Variants in COPS4 observed in about 807,000 individuals in gnomAD.
COPS4 encodes COP9 signalosome subunit 4, also known as COP9 signalosome complex subunit 4.
A neutral mutation model predicts 55.1 loss-of-function variants in COPS4; 8 were observed. The ratio of observed to expected loss-of-function variants is 0.15; its 90% CI spans 0.09 to 0.26. The LOEUF is 0.26. Ranked by LOEUF, COPS4 falls within the 10% of genes least tolerant of loss-of-function variation. COPS4 has a pLI of 1.00. For missense variants in COPS4, 248 were observed against 484.0 expected (o/e 0.51, Z 4.58); for synonymous variants, 185 against 165.7 (o/e 1.12, Z -0.90).
intron 1 of COPS4, among the ~76,000 whole-genome samples, chr4:83,045,101 C>T (rs903465464): frequency 6.6e-6 from 1 of 152,182 alleles, no homozygotes; most frequent in Admixed American, 6.5e-5. Flanking sequence ...GACATTCAGT[C>T]TTTAATGTTT....
chr4:83,042,007 G>T (rs1242058276), intron 1 of COPS4, among the ~76,000 whole-genome samples: 1 of 151,648 alleles, frequency 6.6e-6, no homozygotes, highest in Admixed American at 6.6e-5. Context: ...TGAGATTACA[G>T]GCACGTGCCA....
At chr4:83,054,495 A>G (rs1168315978) in intron 4 of COPS4, among the ~76,000 whole-genome samples, 1 of 152,160 alleles carries the variant, frequency 6.6e-6, no homozygotes, top group Non-Finnish European at 1.5e-5. Flanking sequence ...TTTGTGCATT[A>G]TTTATGAAAT....
chr4:83,050,469 G>A (rs1229705180), intron 4 of COPS4, among the ~76,000 whole-genome samples: 2 of 152,022 alleles, frequency 1.3e-5, no homozygotes, highest in Admixed American at 1.3e-4. Flanking sequence ...GGCTATTTTT[G>A]TATTTTTACT....
intron 7 of COPS4, among the ~76,000 whole-genome samples, chr4:83,064,772 C>T (rs912306845): frequency 2.7e-5 from 4 of 149,232 alleles, no homozygotes; most frequent in Non-Finnish European, 5.9e-5. Context: ...GTTGCCCAGG[C>T]TAGTCTTGAA....
chr4:83,063,322 G>A, intron 7 of COPS4, 76 bp downstream of exon 7: 2 of 967,278 alleles, frequency 2.1e-6, no homozygotes, highest in Non-Finnish European at 3.0e-6. Flanking sequence ...TAAATTAGAA[G>A]TATCTTTTAA....
intron 4 of COPS4, among the ~76,000 whole-genome samples, chr4:83,052,660 TA>T (rs2126130252): frequency 6.6e-6 from 1 of 152,340 alleles, no homozygotes; most frequent in East Asian, 1.9e-4. Flanking sequence ...AACCAAGCTG[TA>T]GTGCAGTGGT....
In COPS4 at chr4:83,075,280, AT is replaced by A. The variant is rs375780102; in HGVS notation, c.1088-9del. The stretch of plus-strand genomic sequence containing the variant: ...CAAAGGAATAATTTTAATTTTGTAC[AT>A]TTTTTTTCCCCTTAGCACGAGAAGC... On this transcript the variant is annotated splice_polypyrimidine_tract_variant and intron_variant, in intron 9 of 9. Coordinates refer to ENST00000264389, the MANE Select transcript of COPS4 (RefSeq NM_016129.3). 4.9e-5 allele frequency: 79 copies of A among 1,608,096 alleles called. No individual in the cohort carries two copies. The East Asian group carries it at 6.9e-4, about 14-fold the overall frequency.
In COPS4 at chr4:83,073,956, CA is replaced by C. The variant is rs34926790; in HGVS notation, c.1088-1328del. On this transcript the variant is annotated intron_variant, in intron 9 of 9. Transcript: ENST00000264389. ...CAGATGACAGAGTGAGACTCCGTCT[CA>C]AAAAAAAAAAAAGATTTTATAGGTT... Among the ~76,000 whole-genome samples the C allele has an allele frequency of 6.4e-4, 93 of 144,448 alleles. 1 individual carries two copies. Among genetic ancestry groups the C allele is most frequent in the Middle Eastern group, 3.5e-3 (1 of 284 alleles). The allele number at this position is 144,448 out of a possible 152,430, so 94.8% of individuals were successfully genotyped here.
At chr4:83,043,383 G>A (rs1187845995) in intron 1 of COPS4, among the ~76,000 whole-genome samples, 8 of 151,778 alleles carry the variant, frequency 5.3e-5, no homozygotes, top group African/African-American at 1.7e-4. Flanking sequence ...ACCAGGGGTC[G>A]TGGCACATGC....
chr4:83,060,632 T>C (rs184096875), intron 6 of COPS4, among the ~76,000 whole-genome samples: 254 of 152,044 alleles, frequency 1.7e-3, no homozygotes, highest in African/African-American at 6.0e-3. Flanking sequence ...TCTTACAGAT[T>C]AGTTGCAATG....
At chr4:83,070,404 T>C (rs1160444344) in intron 9 of COPS4, among the ~76,000 whole-genome samples, 1 of 152,240 alleles carries the variant, frequency 6.6e-6, no homozygotes, top group Non-Finnish European at 1.5e-5. Flanking sequence ...GATTGCTTCA[T>C]GGGCATCTTA....
intron 1 of COPS4, among the ~76,000 whole-genome samples, chr4:83,040,723 CAT>C (rs1491150282): frequency 6.4e-5 from 9 of 140,654 alleles, no homozygotes; most frequent in African/African-American, 2.6e-4. Flanking sequence ...TATGCAATTA[CAT>C]TTTTTTTTTC....
intron 9 of COPS4, among the ~76,000 whole-genome samples, chr4:83,074,624 G>T (rs375467024): frequency 6.6e-6 from 1 of 150,396 alleles, no homozygotes; most frequent in African/African-American, 2.4e-5. Context: ...CACCACGCCC[G>T]GCTAATTTTT....
Position 83,035,193 on chromosome 4 carries a change from GCC to G in COPS4, c.-28_-27del, listed in dbSNP as rs775222769. 2.0e-6 allele frequency: 3 copies of G among 1,527,770 alleles called. No individual in the cohort carries two copies. The Admixed American group carries it at 5.3e-5, about 27-fold the overall frequency. 94.6% of individuals were successfully genotyped at this position (1,527,770 alleles called of 1,614,324 possible). On this transcript the variant is annotated 5_prime_UTR_variant, in exon 1 of 10. Coordinates refer to ENST00000264389, the MANE Select transcript of COPS4 (RefSeq NM_016129.3). ...CTCGTTTTCTTTTTGGCTGCCAGAG[GCC>G]CCCGCATCCACCGCTGAGCTGGGAG...
At chr4:83,050,747 T>A (rs1730869524) in intron 4 of COPS4, among the ~76,000 whole-genome samples, 2 of 152,002 alleles carry the variant, frequency 1.3e-5, no homozygotes, top group South Asian at 4.2e-4. Flanking sequence ...GGGCAAGAGA[T>A]CAGGGATGAG....
chr4:83,072,096 T>C (rs1357794641), intron 9 of COPS4, among the ~76,000 whole-genome samples: 1 of 152,084 alleles, frequency 6.6e-6, no homozygotes, highest in Admixed American at 6.5e-5. Context: ...CTTTTTCTTT[T>C]TGAGATGGAG....
At chr4:83,065,903 G>A (rs1323204303) in intron 7 of COPS4, among the ~76,000 whole-genome samples, 1 of 152,186 alleles carries the variant, frequency 6.6e-6, no homozygotes, top group Non-Finnish European at 1.5e-5. Flanking sequence ...GCCTGTAATC[G>A]CAGCACATTG....
At chr4:83,058,074 G>GT (rs70943197) in intron 6 of COPS4, among the ~76,000 whole-genome samples, 26,708 of 146,242 alleles carry the variant, frequency 0.18, 2,534 homozygotes, top group South Asian at 0.31. Context: ...CTGCTTTTGG[G>GT]TTTTTTTTTT....
chr4:83,041,205 G>A (rs1287055069), intron 1 of COPS4, among the ~76,000 whole-genome samples: 1 of 151,316 alleles, frequency 6.6e-6, no homozygotes, highest in Non-Finnish European at 1.5e-5. Context: ...TGGGACTACA[G>A]GCACACGCCA....
Sources: allele counts gnomAD v4.1 joint callset (sites outside exome capture counted in the v4.1 genomes callset), GRCh38; gene constraint gnomAD v4.1.1; transcripts MANE v1.5; gene names NCBI Gene and HGNC (gene_info 2026-07-23, HGNC 2026-07-21).